The following ERCC6L2 variants were observed in gnomAD, a reference collection of about 807,000 sequenced individuals.
ERCC6L2 encodes ERCC excision repair 6 like 2.
In ERCC6L2, 77 loss-of-function variants were observed where a neutral mutation model predicts 132.0. That is an observed-to-expected ratio of 0.58 (90% CI 0.49 to 0.71). ERCC6L2 has a LOEUF of 0.71. Among genes scored for constraint, ERCC6L2 ranks in the 30% least tolerant of loss-of-function variants. The probability of loss-of-function intolerance (pLI) is 0.00; values close to 1 mark genes in which losing one functional copy is unlikely to be tolerated. For missense variants in ERCC6L2, 1,542 were observed against 1,837.6 expected, an observed-to-expected ratio of 0.84 and a Z score of 2.94; for synonymous variants, 583 against 632.4, an observed-to-expected ratio of 0.92 and a Z score of 1.17.
intron 12 of ERCC6L2, among the ~76,000 whole-genome samples, chr9:95,953,745 A>G (rs1322402565): frequency 6.6e-6 from 1 of 152,112 alleles, no homozygotes; most frequent in African/African-American, 2.4e-5. Flanking sequence ...TTATTACATT[A>G]TTAAGATAAA....
intron 12 of ERCC6L2, among the ~76,000 whole-genome samples, chr9:95,944,896 G>A (rs563091280): frequency 6.6e-6 from 1 of 152,222 alleles, no homozygotes; most frequent in Non-Finnish European, 1.5e-5. Context: ...TCCTTCACAA[G>A]GTAATAAGAT....
chr9:96,022,352 G>T (rs1834306133), downstream of ERCC6L2, among the ~76,000 whole-genome samples: 1 of 152,242 alleles, frequency 6.6e-6, no homozygotes, highest in Non-Finnish European at 1.5e-5. Context: ...AATAAAGGCT[G>T]CAGGGGACAT....
chr9:95,983,550 T>A (rs937377571), intron 17 of ERCC6L2, among the ~76,000 whole-genome samples: 1 of 152,170 alleles, frequency 6.6e-6, no homozygotes, highest in Admixed American at 6.5e-5. Context: ...AACTAGTGGA[T>A]TAAAGAATGT....
intron 2 of ERCC6L2, among the ~76,000 whole-genome samples, chr9:95,890,495 G>A (rs1048723550): frequency 2.6e-5 from 4 of 152,210 alleles, no homozygotes; most frequent in African/African-American, 9.6e-5. Flanking sequence ...ATTGACATGC[G>A]AATTTTGTTA....
At position 95,907,857 on chromosome 9, in the gene ERCC6L2, C is replaced by CACACACACACACA; in HGVS notation, c.788+586_788+587insACACACACACACA. Among the ~76,000 whole-genome samples the CACACACACACACA allele has an allele frequency of 9.6e-4, 128 of 133,810 alleles. 2 individuals carry two copies. Among genetic ancestry groups the CACACACACACACA allele is most frequent in the Middle Eastern group, 3.9e-3 (1 of 258 alleles). 87.8% of individuals were successfully genotyped at this position (133,810 alleles called of 152,430 possible). A position where few individuals can be genotyped will look rare whatever the true frequency, so the allele number is the denominator to read the frequency against. ...CACACACACACACACACACACACACCCCCACACCCACACACCCACTGTAGC... is the reference window on the plus strand; with the variant it reads ...CACACACACACACACACACACACACCACACACACACACACCCACACCCACACACCCACTGTAGC... On this transcript the variant is annotated intron_variant, in intron 4 of 18. Transcript: ENST00000653738.
intron 13 of ERCC6L2, among the ~76,000 whole-genome samples, chr9:95,960,208 A>G (rs1324239430): frequency 6.6e-6 from 1 of 152,104 alleles, no homozygotes; most frequent in Admixed American, 6.6e-5. Flanking sequence ...CCTCCACTTT[A>G]TTTCAGATAA....
chr9:95,929,150 C>T (rs1228458983), intron 11 of ERCC6L2: 10 of 209,768 alleles, frequency 4.8e-5, no homozygotes, highest in Non-Finnish European at 7.6e-5. Context: ...TGACCCAAGT[C>T]TCCTGGTGAG....
intron 12 of ERCC6L2, chr9:95,954,969 A>G (rs2132979466): frequency 2.3e-6 from 1 of 440,048 alleles, no homozygotes; most frequent in South Asian, 1.7e-5. Context: ...GGGTGACCTT[A>G]TAAGTTCAAA....
chr9:95,892,569 T>C (rs570397142), intron 2 of ERCC6L2, among the ~76,000 whole-genome samples: 132 of 152,058 alleles, frequency 8.7e-4, no homozygotes, highest in African/African-American at 3.1e-3. Context: ...ATTATAGGCA[T>C]GTGCCACCAC....
At chr9:95,968,099 C>T (rs755061112) in intron 14 of ERCC6L2, 5 of 152,272 alleles carry the variant, frequency 3.3e-5, no homozygotes, top group Non-Finnish European at 7.3e-5. Flanking sequence ...TGCCACTGCA[C>T]TCCAGCCTGG....
At chr9:95,949,275 A>T (rs1315239854) in intron 12 of ERCC6L2, among the ~76,000 whole-genome samples, 1 of 152,174 alleles carries the variant, frequency 6.6e-6, no homozygotes, top group African/African-American at 2.4e-5. Context: ...GAAAGGGAAA[A>T]GGACAAAAGG....
downstream of ERCC6L2, among the ~76,000 whole-genome samples, chr9:96,019,406 G>C (rs368073133): frequency 5.3e-5 from 8 of 151,850 alleles, no homozygotes; most frequent in African/African-American, 1.7e-4. Flanking sequence ...CTTCCTCTCC[G>C]TCCACCACTC....
At position 96,005,749 on chromosome 9, in the gene ERCC6L2, C is replaced by A. The variant is rs180979613; in HGVS notation, c.3674+1048C>A. The stretch of plus-strand genomic sequence containing the variant: ...ATTTTGTTCCAAGTGCAGTGGAAAA[C>A]TGTTGAAGAATGGCACGATCTGATG... On this transcript the variant is annotated intron_variant, in intron 18 of 18. Transcript: ENST00000653738. 1.3e-3 allele frequency among the ~76,000 whole-genome samples: 201 copies of A among 152,162 alleles called. 2 individuals carry two copies. The highest frequency in any genetic ancestry group is 5.3e-4 in the Non-Finnish European group (36 of 68,016).
chr9:95,964,694 C>T (rs952973300), intron 13 of ERCC6L2, among the ~76,000 whole-genome samples: 1 of 152,078 alleles, frequency 6.6e-6, no homozygotes, highest in East Asian at 1.9e-4. Context: ...GAGATCCAAG[C>T]ATTTTCTCCC....
chr9:95,916,771 C>T (rs1829618224), intron 6 of ERCC6L2, among the ~76,000 whole-genome samples: 1 of 151,744 alleles, frequency 6.6e-6, no homozygotes, highest in Admixed American at 6.6e-5. Context: ...CAACCTCCGC[C>T]TCCCAAGTTC....
rs527899563 is a variant in ERCC6L2, at chr9:95,904,906, G to C, written c.595-2172G>C. On this transcript the variant is annotated intron_variant, in intron 3 of 18. Transcript: ENST00000653738. ...TAGCTTCTGTTAATTTTAATAATACGTAAGCAAATGAATTTTAATTTTATT... is the reference window on the plus strand; with the variant it reads ...TAGCTTCTGTTAATTTTAATAATACCTAAGCAAATGAATTTTAATTTTATT... 2.0e-5 allele frequency: 3 copies of C among 152,176 alleles called. No individual in the cohort carries two copies. In the East Asian group the frequency reaches 5.8e-4, roughly 29 times the overall value. The allele number at this position is 152,176 out of a possible 1,614,324, so 9.4% of individuals were successfully genotyped here.
chr9:95,876,169 G>A (rs1443122284), intron 1 of ERCC6L2, 85 bp downstream of exon 1: 3 of 1,345,928 alleles, frequency 2.2e-6, no homozygotes, highest in Admixed American at 2.1e-5. Context: ...CTTCGGGTTG[G>A]GGTTTTGCCC....
rs1410072489 is a variant in ERCC6L2 at position 95,907,140 on chromosome 9, G to A, written c.657G>A (p.Trp219Ter). 1 of 1,613,168 alleles carries A rather than the reference G, an allele frequency of 6.2e-7. No homozygotes were observed. The part of the protein sequence containing the change: ...LYNWKDELDT[W>*]GYFRVTVLHG... ...ACTGGAAGGATGAATTGGACACCTG[G>A]GGATATTTCAGAGTCACTGTTTTAC... is the stretch of plus-strand genomic sequence containing the variant. Residue 219 changes from tryptophan to a stop codon, truncating the protein, a stop_gained, in exon 4 of 19, where the codon TGG becomes TGA. Transcript: ENST00000653738. LOFTEE classifies it high-confidence loss of function.
Position 95,992,154 on chromosome 9 carries a change from C to T in ERCC6L2, c.3493-12366C>T, listed in dbSNP as rs572450496. On this transcript the variant is annotated intron_variant, in intron 17 of 18. Transcript: ENST00000653738. ...TTTGTAAAAATGTAAAACATAGCCA[C>T]GCTTCTCACTAACTTTTTGGTTTTT... Among the ~76,000 whole-genome samples the T allele has an allele frequency of 5.8e-4, 88 of 152,166 alleles. 3 individuals carry two copies. The highest frequency in any genetic ancestry group is 1.3e-4 in the Non-Finnish European group (9 of 68,038).
Sources: gnomAD v4.1 joint callset for allele counts (sites outside exome capture counted in the v4.1 genomes callset) on GRCh38, gnomAD v4.1.1 for gene constraint, MANE v1.5 for transcripts, NCBI Gene and HGNC (gene_info 2026-07-23, HGNC 2026-07-21) for gene names.